The following PRR16 variants were observed in gnomAD, a reference collection of about 807,000 sequenced individuals.
The protein encoded by PRR16 is proline rich 16.
A neutral mutation model predicts 18.2 loss-of-function variants in PRR16; 6 were observed. The ratio of observed to expected loss-of-function variants is 0.33; its 90% CI spans 0.18 to 0.65. The LOEUF (loss-of-function observed/expected upper bound fraction) is 0.65. Ranked by LOEUF, PRR16 falls within the 30% of genes least tolerant of loss-of-function variation. The probability of loss-of-function intolerance (pLI) is 0.74; values close to 1 mark genes in which losing one functional copy is unlikely to be tolerated. For synonymous variants in PRR16, 151 were observed against 147.8 expected, an observed-to-expected ratio of 1.02 and a Z score of -0.16; for missense variants, 412 against 376.6, an observed-to-expected ratio of 1.09 and a Z score of -0.78.
At chr5:120,655,592 A>C (rs1755941856) in intron 1 of PRR16, among the ~76,000 whole-genome samples, 1 of 151,846 alleles carries the variant, frequency 6.6e-6, no homozygotes, top group South Asian at 2.1e-4. Context: ...TTCTTTACTC[A>C]ATTTGTCTTA....
intron 1 of PRR16, among the ~76,000 whole-genome samples, chr5:120,677,548 A>C (rs1332786256): frequency 6.6e-6 from 1 of 152,162 alleles, no homozygotes; most frequent in Non-Finnish European, 1.5e-5. Context: ...ATGCCACCAT[A>C]TTTAAATTGT....
chr5:120,676,545 T>C (rs2053837), intron 1 of PRR16, among the ~76,000 whole-genome samples: 115,892 of 150,568 alleles, frequency 0.77, 44,702 homozygotes, highest in East Asian at 0.87. Flanking sequence ...TGTGTGTGTG[T>C]GTGCGTGTGT....
chr5:120,614,934 A>T (rs914146136), intron 1 of PRR16, among the ~76,000 whole-genome samples: 1 of 152,182 alleles, frequency 6.6e-6, no homozygotes, highest in African/African-American at 2.4e-5. Flanking sequence ...GACACTGAAG[A>T]TTAATTACAA....
chr5:120,612,275 G>T (rs1341057663), intron 1 of PRR16, among the ~76,000 whole-genome samples: 3 of 152,110 alleles, frequency 2.0e-5, no homozygotes, highest in African/African-American at 4.8e-5. Context: ...TGGACTTTTG[G>T]GTTAATGCTG....
intron 1 of PRR16, among the ~76,000 whole-genome samples, chr5:120,682,328 G>A (rs191138936): frequency 2.6e-5 from 4 of 152,218 alleles, no homozygotes; most frequent in African/African-American, 4.8e-5. Flanking sequence ...TCTTCAGAGC[G>A]CTTGAGCTAG....
intron 1 of PRR16, among the ~76,000 whole-genome samples, chr5:120,612,717 C>T (rs144482536): frequency 0.01 from 1,552 of 152,226 alleles, 30 homozygotes; most frequent in African/African-American, 0.035. Flanking sequence ...AGCATGAAAA[C>T]AGACTAATAC....
downstream of PRR16, among the ~76,000 whole-genome samples, chr5:120,688,372 A>C (rs1580885257): frequency 2.0e-5 from 3 of 152,318 alleles, no homozygotes; most frequent in African/African-American, 4.8e-5. Flanking sequence ...TCCGACTTAC[A>C]ATAATCAGAA....
At chr5:120,741,276 C>T in the PRR16 span, among the ~76,000 whole-genome samples, 1 of 152,012 alleles carries the variant, frequency 6.6e-6, no homozygotes. Flanking sequence ...GGCAGAGTCT[C>T]ACTGTGTTGC....
chr5:120,644,202 A>C (rs777811825), intron 1 of PRR16, among the ~76,000 whole-genome samples: 2 of 152,084 alleles, frequency 1.3e-5, no homozygotes, highest in African/African-American at 2.4e-5. Context: ...AGATTAATTG[A>C]GGTAATGTCT....
chr5:120,782,109 C>A, the PRR16 span, among the ~76,000 whole-genome samples: 103 of 152,298 alleles, frequency 6.8e-4, no homozygotes, highest in African/African-American at 2.3e-3. Flanking sequence ...AAAACACCCA[C>A]AATAAACCAT....
the PRR16 span, chr5:120,710,750 T>A: frequency 6.6e-6 from 1 of 152,186 alleles, no homozygotes; most frequent in East Asian, 1.9e-4. Context: ...CTTCAAGTCA[T>A]CATGGTGAGA....
At chr5:120,702,729 G>A in the PRR16 span, among the ~76,000 whole-genome samples, 2 of 152,158 alleles carry the variant, frequency 1.3e-5, no homozygotes, top group Admixed American at 6.5e-5. Context: ...ATTAAGAGAA[G>A]GGAGAGGTTG....
the PRR16 span, among the ~76,000 whole-genome samples, chr5:120,761,185 A>G: frequency 6.6e-6 from 1 of 152,022 alleles, no homozygotes. Flanking sequence ...AGCCTATTTT[A>G]ATTAATCTCT....
intron 1 of PRR16, among the ~76,000 whole-genome samples, chr5:120,670,116 A>C (rs1488880951): frequency 6.6e-6 from 1 of 152,164 alleles, no homozygotes; most frequent in African/African-American, 2.4e-5. Context: ...ATGCAGATTC[A>C]CAATGGGATT....
chr5:120,703,693 T>G, the PRR16 span, among the ~76,000 whole-genome samples: 2 of 152,214 alleles, frequency 1.3e-5, no homozygotes, highest in Non-Finnish European at 2.9e-5. Flanking sequence ...TTGAAGAGAT[T>G]GGAGTGAGAT....
chr5:120,615,979 G>T (rs1054741621), intron 1 of PRR16, among the ~76,000 whole-genome samples: 2 of 152,106 alleles, frequency 1.3e-5, no homozygotes, highest in African/African-American at 4.8e-5. Context: ...AAATATTCAA[G>T]TTATTGTTGA....
chr5:120,495,228 G>A (rs1750204529), intron 1 of PRR16, among the ~76,000 whole-genome samples: 1 of 151,966 alleles, frequency 6.6e-6, no homozygotes, highest in Non-Finnish European at 1.5e-5. Context: ...ATTTGATCAT[G>A]TTAGATTTAT....
intron 1 of PRR16, among the ~76,000 whole-genome samples, chr5:120,580,579 C>T (rs912063579): frequency 2.0e-4 from 30 of 151,400 alleles, no homozygotes; most frequent in African/African-American, 6.1e-4. Context: ...CTCAGCCTCC[C>T]GAGTAGCTGG....
chr5:120,534,107 A>G (rs191437001), intron 1 of PRR16, among the ~76,000 whole-genome samples: 1 of 152,272 alleles, frequency 6.6e-6, no homozygotes, highest in African/African-American at 2.4e-5. Flanking sequence ...CCACATAGAC[A>G]TCTTGAATAA....
Sources: gnomAD v4.1 joint callset for allele counts (sites outside exome capture counted in the v4.1 genomes callset) on GRCh38, gnomAD v4.1.1 for gene constraint, MANE v1.5 for transcripts, NCBI Gene and HGNC (gene_info 2026-07-23, HGNC 2026-07-21) for gene names.